Variants in GNA12 observed in about 807,000 individuals in gnomAD.
GNA12 encodes the protein G protein subunit alpha 12.
In GNA12, 9 loss-of-function variants were observed where a neutral mutation model predicts 26.0. The ratio of observed to expected loss-of-function variants is 0.35; its 90% confidence interval spans 0.21 to 0.60. The LOEUF is 0.60. Ranked by LOEUF, GNA12 falls within the 20% of genes least tolerant of loss-of-function variation. The pLI, the probability that GNA12 is intolerant of heterozygous loss-of-function variation, is 0.78. For synonymous variants in GNA12, 264 were observed against 219.6 expected, an observed-to-expected ratio of 1.20 and a Z score of -1.79; for missense variants, 405 against 525.8, an observed-to-expected ratio of 0.77 and a Z score of 2.25.
intron 2 of GNA12, chr7:2,762,745 GAA>G: frequency 6.4e-7 from 1 of 1,554,046 alleles, no homozygotes; most frequent in Non-Finnish European, 8.7e-7. Flanking sequence ...CCTCCCGCAG[GAA>G]GTGCACCAGG....
chr7:2,753,778 A>G (rs1300814218), intron 2 of GNA12, among the ~76,000 whole-genome samples: 2 of 151,932 alleles, frequency 1.3e-5, no homozygotes, highest in African/African-American at 4.8e-5. Flanking sequence ...TTAATGCTGA[A>G]TTTACTCCTG....
chr7:2,790,314 C>T (rs868626164), intron 2 of GNA12, among the ~76,000 whole-genome samples: 3 of 152,176 alleles, frequency 2.0e-5, no homozygotes, highest in Admixed American at 6.5e-5. Context: ...TGCAGTGGCG[C>T]GATCTCAGCT....
chr7:2,798,325 A>T (rs1326000883), intron 1 of GNA12, among the ~76,000 whole-genome samples: 3 of 152,230 alleles, frequency 2.0e-5, no homozygotes, highest in Non-Finnish European at 2.9e-5. Context: ...AAACAAATGA[A>T]TCCAGAATAG....
intron 2 of GNA12, among the ~76,000 whole-genome samples, chr7:2,735,000 C>T (rs995661419): frequency 7.2e-5 from 11 of 152,316 alleles, no homozygotes; most frequent in East Asian, 3.9e-4. Context: ...AGCGTGAGGC[C>T]GGTGGGGCAG....
Position 2,794,914 on chromosome 7 carries a change from G to C in GNA12, c.525+14C>G, listed in dbSNP as rs777924151. The C allele has an allele frequency of 1.3e-6, 2 of 1,579,446 alleles. No individual in the cohort carries two copies. Among genetic ancestry groups the C allele is most frequent in the Admixed American group, 3.3e-5 (2 of 59,956 alleles). On this transcript the variant is annotated intron_variant, in intron 2 of 3. Transcript: ENST00000275364. ...ACACTATCAGGTGCCCAGCAAGAAG[G>C]CCTACTCACTCACCAGCTGAAACTC... is the stretch of plus-strand genomic sequence containing the variant.
At chr7:2,818,277 G>T (rs767541144) in intron 1 of GNA12, among the ~76,000 whole-genome samples, 1 of 152,122 alleles carries the variant, frequency 6.6e-6, no homozygotes, top group Non-Finnish European at 1.5e-5. Context: ...GTTTTGGAGC[G>T]CCTCACACAC....
At chr7:2,784,304 G>A (rs1289271084) in intron 2 of GNA12, among the ~76,000 whole-genome samples, 4 of 152,090 alleles carry the variant, frequency 2.6e-5, no homozygotes, top group Non-Finnish European at 5.9e-5. Context: ...ATTTTTGGGA[G>A]AGAAGGGGTT....
chr7:2,817,921 T>C (rs1793252729), intron 1 of GNA12, among the ~76,000 whole-genome samples: 1 of 152,208 alleles, frequency 6.6e-6, no homozygotes, highest in South Asian at 2.1e-4. Context: ...ATAAGTACAC[T>C]ACACATGAAT....
intron 1 of GNA12, among the ~76,000 whole-genome samples, chr7:2,811,340 A>G (rs1793076592): frequency 6.6e-6 from 1 of 152,204 alleles, no homozygotes; most frequent in African/African-American, 2.4e-5. Flanking sequence ...GACCTGGCTG[A>G]TGACACCGCG....
At chr7:2,741,500 T>C (rs763534128) in intron 2 of GNA12, among the ~76,000 whole-genome samples, 4 of 152,200 alleles carry the variant, frequency 2.6e-5, no homozygotes, top group Non-Finnish European at 4.4e-5. Context: ...AGCTTTCTAC[T>C]TTTTGGGGAA....
chr7:2,759,572 T>C lies in GNA12; in HGVS notation c.526-26071A>G, dbSNP rs1791462733. On this transcript the variant is annotated intron_variant, in intron 2 of 3. Coordinates refer to ENST00000275364, the MANE Select transcript of GNA12 (RefSeq NM_007353.3). The stretch of plus-strand genomic sequence containing the variant: ...TACTAGAATAGTGGTGACGCTGGGG[T>C]GGCGGTAGTGGCTCACATGGGGTTT... Among the ~76,000 whole-genome samples the C allele has an allele frequency of 2.6e-5, 4 of 152,238 alleles. No homozygotes were observed. In the South Asian group the frequency reaches 8.3e-4, roughly 32 times the overall value.
At chr7:2,768,473 C>T (rs376616123) in intron 2 of GNA12, among the ~76,000 whole-genome samples, 11 of 152,198 alleles carry the variant, frequency 7.2e-5, no homozygotes, top group African/African-American at 1.7e-4. Flanking sequence ...TCGAGGACTG[C>T]GTGAAATGAA....
intron 1 of GNA12, among the ~76,000 whole-genome samples, chr7:2,815,442 T>G (rs924310995): frequency 6.6e-6 from 1 of 152,118 alleles, no homozygotes; most frequent in Non-Finnish European, 1.5e-5. Context: ...GTAGGAGAGA[T>G]GACTCAGCGC....
rs115965304 is a variant in GNA12 at position 2,780,849 on chromosome 7, A to T, written c.525+14079T>A. ...TATATAATGCTATGAACATTTACAT[A>T]CATGGCTTTTCATACCTAGGATTGG... On this transcript the variant is annotated intron_variant, in intron 2 of 3. Coordinates refer to ENST00000275364, the MANE Select transcript of GNA12 (RefSeq NM_007353.3). 9.8e-3 allele frequency among the ~76,000 whole-genome samples: 1,488 copies of T among 152,362 alleles called. 28 individuals are homozygous for T. Among genetic ancestry groups the T allele is most frequent in the African/African-American group, 0.034 (1,417 of 41,578 alleles).
chr7:2,750,328 C>G (rs541753538), intron 2 of GNA12, among the ~76,000 whole-genome samples: 2 of 152,148 alleles, frequency 1.3e-5, no homozygotes, highest in African/African-American at 4.8e-5. Flanking sequence ...CGCAGTTTAC[C>G]AGGAACAGAA....
At chr7:2,774,329 G>A (rs1315234115) in intron 2 of GNA12, among the ~76,000 whole-genome samples, 1 of 152,190 alleles carries the variant, frequency 6.6e-6, no homozygotes, top group Non-Finnish European at 1.5e-5. Flanking sequence ...ATGAAATAGG[G>A]AAAGGTAATA....
intron 2 of GNA12, among the ~76,000 whole-genome samples, chr7:2,776,600 G>C (rs1215710733): frequency 6.6e-6 from 1 of 152,132 alleles, no homozygotes; most frequent in Non-Finnish European, 1.5e-5. Context: ...GAAGGAGGCT[G>C]GTGTGACCAC....
rs771794152 is a variant in GNA12 at position 2,794,982 on chromosome 7, G to C, written c.471C>G (p.Leu157=). The C allele has an allele frequency of 8.1e-6, 13 of 1,614,094 alleles. No individual in the cohort carries two copies. Among genetic ancestry groups the C allele is most frequent in the South Asian group, 7.7e-5 (7 of 91,086 alleles). ...CCTCCCTGATGCCAGAATCCCTCCA[G>C]AGTGCGCTCAGGGCCGGGACGTACA... is the stretch of plus-strand genomic sequence containing the variant. The part of the protein sequence containing the change: ...FQLYVPALSA[L]WRDSGIREAF... The change falls in exon 2 of 4, where the codon CTC becomes CTG. Residue 157 remains leucine (L), a synonymous_variant. Coordinates refer to ENST00000275364, the MANE Select transcript of GNA12 (RefSeq NM_007353.3).
chr7:2,767,636 C>T (rs1244055001), intron 2 of GNA12, among the ~76,000 whole-genome samples: 1 of 152,170 alleles, frequency 6.6e-6, no homozygotes, highest in Non-Finnish European at 1.5e-5. Context: ...TTGGCTGGCG[C>T]GTTTCAAGTT....
Sources: allele counts gnomAD v4.1 joint callset (sites outside exome capture counted in the v4.1 genomes callset), GRCh38; gene constraint gnomAD v4.1.1; transcripts MANE v1.5; gene names NCBI Gene and HGNC (gene_info 2026-07-23, HGNC 2026-07-21).